Variants in CSMD3 observed in about 807,000 individuals in gnomAD.
CSMD3 encodes the protein CUB and sushi domain-containing protein 3.
CSMD3 carries 177 observed loss-of-function variants against 435.2 expected under a neutral mutation model. The ratio of observed to expected loss-of-function variants is 0.41; its 90% confidence interval spans 0.36 to 0.46. CSMD3 has a LOEUF of 0.46. Among genes scored for constraint, CSMD3 ranks in the 20% least tolerant of loss-of-function variants. CSMD3 has a pLI of 0.34. For missense variants in CSMD3, 4,265 were observed against 4,504.6 expected (o/e 0.95, Z 1.52); for synonymous variants, 1,656 against 1,520.5 (o/e 1.09, Z -2.07).
chr8:112,917,544 T>C (rs538416101), intron 10 of CSMD3, among the ~76,000 whole-genome samples: 9 of 152,004 alleles, frequency 5.9e-5, no homozygotes, highest in Non-Finnish European at 7.4e-5. Context: ...TGGGTGATTT[T>C]GGAAATCAAA....
At chr8:112,757,912 T>C (rs2077738993) in intron 13 of CSMD3, among the ~76,000 whole-genome samples, 1 of 151,950 alleles carries the variant, frequency 6.6e-6, no homozygotes, top group Non-Finnish European at 1.5e-5. Context: ...AAAAATTATC[T>C]GGGCATGATG....
At chr8:113,348,053 A>T (rs1005030604) in intron 1 of CSMD3, among the ~76,000 whole-genome samples, 7 of 152,282 alleles carry the variant, frequency 4.6e-5, no homozygotes, top group Admixed American at 4.6e-4. Context: ...TACAACTGAG[A>T]AAGGCAGTCA....
intron 7 of CSMD3, among the ~76,000 whole-genome samples, chr8:112,974,669 G>A (rs2084780844): frequency 6.6e-6 from 1 of 151,606 alleles, no homozygotes; most frequent in Admixed American, 6.6e-5. Flanking sequence ...GACTATTATA[G>A]GTTAAAAATT....
chr8:113,364,800 A>G (rs2094300757), intron 1 of CSMD3, among the ~76,000 whole-genome samples: 1 of 152,142 alleles, frequency 6.6e-6, no homozygotes, highest in Middle Eastern at 3.2e-3. Flanking sequence ...TTTAAAAAGT[A>G]TTAGCCTAGA....
intron 4 of CSMD3, among the ~76,000 whole-genome samples, chr8:113,101,855 T>C (rs1227837318): frequency 1.3e-5 from 2 of 152,010 alleles, no homozygotes; most frequent in African/African-American, 2.4e-5. Context: ...CTTCAGTAAA[T>C]GTTAGATTAA....
intron 22 of CSMD3, among the ~76,000 whole-genome samples, chr8:112,616,267 A>T (rs1047189236): frequency 6.6e-6 from 1 of 152,008 alleles, no homozygotes; most frequent in African/African-American, 2.4e-5. Flanking sequence ...GTACTCAAAA[A>T]TTATATCTAT....
At chr8:112,851,494 C>T (rs1052617982) in intron 11 of CSMD3, among the ~76,000 whole-genome samples, 22 of 152,126 alleles carry the variant, frequency 1.4e-4, no homozygotes, top group African/African-American at 4.3e-4. Context: ...GAGCCGGGCG[C>T]GGTGGCTCAT....
chr8:112,403,088 C>A (rs1157336409), intron 35 of CSMD3, among the ~76,000 whole-genome samples: 2 of 152,148 alleles, frequency 1.3e-5, no homozygotes, highest in Non-Finnish European at 2.9e-5. Context: ...GCTGATTTAT[C>A]TCCTGTATTT....
intron 13 of CSMD3, among the ~76,000 whole-genome samples, chr8:112,787,589 T>A (rs887154771): frequency 1.3e-5 from 2 of 152,136 alleles, no homozygotes; most frequent in Non-Finnish European, 2.9e-5. Flanking sequence ...ATATACACAA[T>A]GGAGTATTAT....
At chr8:112,428,129 T>G (rs1338836005) in intron 32 of CSMD3, among the ~76,000 whole-genome samples, 1 of 152,136 alleles carries the variant, frequency 6.6e-6, no homozygotes. Context: ...AGAAAAGGAT[T>G]CATGTATGCT....
At chr8:112,898,960 C>T (rs1211203912) in intron 10 of CSMD3, among the ~76,000 whole-genome samples, 1 of 151,166 alleles carries the variant, frequency 6.6e-6, no homozygotes, top group Non-Finnish European at 1.5e-5. Flanking sequence ...ACATTACTAA[C>T]TCTTCAAATA....
chr8:112,861,886 C>A (rs1421886475), intron 10 of CSMD3, among the ~76,000 whole-genome samples: 1 of 151,922 alleles, frequency 6.6e-6, no homozygotes, highest in Admixed American at 6.6e-5. Flanking sequence ...TATATACACA[C>A]TTAGAATCTT....
At chr8:113,303,311 A>G (rs2093789256) in intron 2 of CSMD3, among the ~76,000 whole-genome samples, 1 of 144,040 alleles carries the variant, frequency 6.9e-6, no homozygotes. Flanking sequence ...AGGAAGAATC[A>G]ATATCGTGAA....
Position 112,706,830 on chromosome 8 carries a change from A to G in CSMD3, c.1973-16780T>C, listed in dbSNP as rs556678048. On this transcript the variant is annotated intron_variant, in intron 13 of 70. Coordinates refer to ENST00000297405, the MANE Select transcript of CSMD3 (RefSeq NM_198123.2). ...ATACAGTCAATTAAAGAGACATGAC[A>G]CTACTTTCTTAGGAGTTTATAATCT... 2.6e-5 allele frequency among the ~76,000 whole-genome samples: 4 copies of G among 152,248 alleles called. No homozygotes were observed. In the South Asian group the frequency reaches 6.2e-4, roughly 24 times the overall value.
intron 32 of CSMD3, among the ~76,000 whole-genome samples, chr8:112,447,822 C>CT (rs1815791758): frequency 1.3e-5 from 2 of 152,100 alleles, no homozygotes; most frequent in African/African-American, 4.8e-5. Flanking sequence ...TGGAATGTCT[C>CT]TTTTTTAACA....
At chr8:113,210,664 G>A (rs7845112) in intron 3 of CSMD3, among the ~76,000 whole-genome samples, 4,822 of 151,978 alleles carry the variant, frequency 0.032, 262 homozygotes, top group African/African-American at 0.11. Context: ...GGTCACCTGA[G>A]GTCAGGAGTT....
chr8:112,712,585 G>A (rs2076632237), intron 13 of CSMD3, among the ~76,000 whole-genome samples: 1 of 152,086 alleles, frequency 6.6e-6, no homozygotes, highest in Admixed American at 6.6e-5. Flanking sequence ...TTGGACTGAT[G>A]AGTTGTCAAA....
At chr8:113,322,598 T>A (rs2093956548) in intron 1 of CSMD3, among the ~76,000 whole-genome samples, 1 of 152,182 alleles carries the variant, frequency 6.6e-6, no homozygotes, top group Admixed American at 6.5e-5. Flanking sequence ...CATTTACATA[T>A]GTATTTTAGA....
At chr8:112,523,496 TCA>T (rs1348876915) in intron 27 of CSMD3, among the ~76,000 whole-genome samples, 1 of 151,962 alleles carries the variant, frequency 6.6e-6, no homozygotes, top group Admixed American at 6.6e-5. Context: ...AATTTGGTAT[TCA>T]CAGTTTCTCA....
Sources: gnomAD v4.1 joint callset for allele counts (sites outside exome capture counted in the v4.1 genomes callset) on GRCh38, gnomAD v4.1.1 for gene constraint, MANE v1.5 for transcripts, NCBI Gene and HGNC (gene_info 2026-07-23, HGNC 2026-07-21) for gene names.